The following CNTN5 variants were observed in gnomAD, a reference collection of about 807,000 sequenced individuals.
The protein encoded by CNTN5 is contactin 5, also known as contactin-5.
A neutral mutation model predicts 129.1 loss-of-function variants in CNTN5; 77 were observed. The observed-to-expected ratio is 0.60, with a 90% confidence interval of 0.50 to 0.72. The LOEUF is 0.72. Ranked by LOEUF, CNTN5 falls within the 30% of genes least tolerant of loss-of-function variation. The pLI is 0.00. For missense variants in CNTN5, 1,478 were observed against 1,328.8 expected (o/e 1.11, Z -1.75); for synonymous variants, 509 against 465.6 (o/e 1.09, Z -1.20).
intron 3 of CNTN5, among the ~76,000 whole-genome samples, chr11:99,641,281 A>G (rs948821498): frequency 6.6e-6 from 1 of 152,240 alleles, no homozygotes; most frequent in African/African-American, 2.4e-5. Flanking sequence ...ACTGAGTGGA[A>G]CAAAAGGGCC....
intron 24 of CNTN5, among the ~76,000 whole-genome samples, chr11:100,352,242 T>G (rs2139042198): frequency 6.6e-6 from 1 of 151,792 alleles, no homozygotes; most frequent in South Asian, 2.1e-4. Context: ...ATAATTTAGC[T>G]GCCACTTACA....
rs575185659 is a variant in CNTN5, at chr11:99,708,389, A to G, written c.56-111155A>G. On this transcript the variant is annotated intron_variant, in intron 3 of 24. Coordinates refer to ENST00000524871, the MANE Select transcript of CNTN5 (RefSeq NM_014361.4). Reference sequence around the variant, plus strand: ...TACATGCATTTGACGTTTGCATGACAAAGACAAATACATTCATACCACTTT... The same window carrying G: ...TACATGCATTTGACGTTTGCATGACGAAGACAAATACATTCATACCACTTT... Among the ~76,000 whole-genome samples, 30 of 151,916 alleles carry G rather than the reference A, an allele frequency of 2.0e-4. No individual in the cohort carries two copies. In the South Asian group the frequency reaches 6.0e-3, roughly 30 times the overall value.
chr11:99,581,822 T>C (rs1007339833), intron 3 of CNTN5, among the ~76,000 whole-genome samples: 1 of 152,240 alleles, frequency 6.6e-6, no homozygotes, highest in Non-Finnish European at 1.5e-5. Flanking sequence ...TTAGCCCATT[T>C]ACATTTAAGG....
intron 3 of CNTN5, among the ~76,000 whole-genome samples, chr11:99,685,289 A>C (rs1953740797): frequency 6.6e-6 from 1 of 151,830 alleles, no homozygotes; most frequent in African/African-American, 2.4e-5. Context: ...GAATATGGAA[A>C]ATTTTAGTAA....
intron 2 of CNTN5, among the ~76,000 whole-genome samples, chr11:99,507,391 A>G (rs978846609): frequency 2.2e-4 from 33 of 151,298 alleles, no homozygotes; most frequent in Non-Finnish European, 4.0e-4. Context: ...AAAAAAAAAA[A>G]AAAAGAAAGG....
At chr11:99,115,010 C>A (rs1409651079) in intron 1 of CNTN5, among the ~76,000 whole-genome samples, 1 of 152,182 alleles carries the variant, frequency 6.6e-6, no homozygotes, top group East Asian at 1.9e-4. Flanking sequence ...TCCCTTCCCC[C>A]TTCTTCCATG....
chr11:100,356,126 T>C lies in CNTN5; in HGVS notation c.3209T>C (p.Ile1070Thr), dbSNP rs1195839809. ...GCTTCTTTTTTCACAGGTGGAAAAA[T>C]CACAAGTGCACAGTCGACCCTTCAC... Reference protein sequence around the residue: ...IRVPSYSGGKITSAQSTLHSL... With the variant: ...IRVPSYSGGKTTSAQSTLHSL... The change falls in exon 25 of 25, where the codon ATC (isoleucine) becomes ACC (threonine). Residue 1070 changes from isoleucine (I) to threonine (T), a missense_variant. Coordinates refer to ENST00000524871, the MANE Select transcript of CNTN5 (RefSeq NM_014361.4). The C allele has an allele frequency of 1.2e-6, 2 of 1,608,200 alleles. No individual in the cohort carries two copies. Among genetic ancestry groups the C allele is most frequent in the South Asian group, 2.2e-5 (2 of 90,292 alleles).
At chr11:99,694,850 C>T (rs1421460244) in intron 3 of CNTN5, among the ~76,000 whole-genome samples, 2 of 152,120 alleles carry the variant, frequency 1.3e-5, no homozygotes, top group Non-Finnish European at 2.9e-5. Flanking sequence ...GATTTACTCA[C>T]ATGAACTGCG....
intron 3 of CNTN5, among the ~76,000 whole-genome samples, chr11:99,781,751 A>C (rs1945318541): frequency 6.6e-6 from 1 of 152,154 alleles, no homozygotes; most frequent in East Asian, 1.9e-4. Context: ...ATAGATGCAG[A>C]AAAGGCCTTT....
chr11:99,178,730 T>A (rs1857903632), intron 1 of CNTN5, among the ~76,000 whole-genome samples: 1 of 152,148 alleles, frequency 6.6e-6, no homozygotes, highest in African/African-American at 2.4e-5. Context: ...TACCTTTTTG[T>A]GACTAATTTC....
At position 100,034,307 on chromosome 11, in the gene CNTN5, A is replaced by G. The variant is rs193095189; in HGVS notation, c.981-26905A>G. On this transcript the variant is annotated intron_variant, in intron 9 of 24. Coordinates refer to ENST00000524871, the MANE Select transcript of CNTN5 (RefSeq NM_014361.4). ...GGTAGAAGTCCAATTAATACTCTCCATTGTTATTATCTAACTGTGTAAGCC... is the reference window on the plus strand; with the variant it reads ...GGTAGAAGTCCAATTAATACTCTCCGTTGTTATTATCTAACTGTGTAAGCC... Among the ~76,000 whole-genome samples the G allele has an allele frequency of 3.4e-4, 52 of 152,340 alleles. 1 individual carries two copies. The highest frequency in any genetic ancestry group is 1.1e-3 in the African/African-American group (47 of 41,582).
rs1317936302 is a variant in CNTN5 at position 99,042,352 on chromosome 11, CCTT to C, written c.-210+21095_-210+21097del. Among the ~76,000 whole-genome samples, 417 of 143,856 alleles carry C rather than the reference CCTT, an allele frequency of 2.9e-3. 8 individuals carry two copies. The highest frequency in any genetic ancestry group is 0.011 in the African/African-American group (390 of 35,924). 94.4% of individuals were successfully genotyped at this position (143,856 alleles called of 152,430 possible). On this transcript the variant is annotated intron_variant, in intron 1 of 24. Transcript: ENST00000524871. ...CCTGCACGTTCTGCACATGTACCTC[CCTT>C]CTTCTTCTTCTTTTTTTTTTTTTTT...
intron 23 of CNTN5, among the ~76,000 whole-genome samples, chr11:100,348,792 A>G (rs1267681644): frequency 6.6e-6 from 1 of 152,034 alleles, no homozygotes; most frequent in East Asian, 1.9e-4. Context: ...GATTTCCCCA[A>G]TCTTGACTAA....
chr11:99,355,226 A>T (rs1164517867), intron 2 of CNTN5, among the ~76,000 whole-genome samples: 1 of 152,166 alleles, frequency 6.6e-6, no homozygotes, highest in Non-Finnish European at 1.5e-5. Flanking sequence ...TGTTTACTGG[A>T]TGCCTTGCCT....
At chr11:99,498,253 A>G (rs1946302126) in intron 2 of CNTN5, among the ~76,000 whole-genome samples, 2 of 152,086 alleles carry the variant, frequency 1.3e-5, no homozygotes, top group Non-Finnish European at 2.9e-5. Flanking sequence ...AATGTACTGC[A>G]TTTTTTGTAG....
intron 3 of CNTN5, among the ~76,000 whole-genome samples, chr11:99,633,879 C>A (rs1309174278): frequency 6.6e-6 from 1 of 152,128 alleles, no homozygotes; most frequent in Non-Finnish European, 1.5e-5. Flanking sequence ...AGGAGCATGA[C>A]CCACATGGGA....
intron 3 of CNTN5, among the ~76,000 whole-genome samples, chr11:99,613,414 C>G (rs1007626255): frequency 1.3e-5 from 2 of 152,126 alleles, no homozygotes; most frequent in African/African-American, 4.8e-5. Flanking sequence ...TTTCTGAGGC[C>G]TCCCCAGCCG....
At chr11:99,121,159 G>T in intron 1 of CNTN5, among the ~76,000 whole-genome samples, 1 of 118,462 alleles carries the variant, frequency 8.4e-6, no homozygotes. Flanking sequence ...TTTTGAGATC[G>T]AGTCTCACTC....
intron 3 of CNTN5, among the ~76,000 whole-genome samples, chr11:99,609,415 A>C (rs1950529670): frequency 1.3e-5 from 2 of 152,186 alleles, no homozygotes; most frequent in Non-Finnish European, 1.5e-5. Context: ...ATACCTGTGC[A>C]GATCAGAAAG....
Sources: gnomAD v4.1 joint callset for allele counts (sites outside exome capture counted in the v4.1 genomes callset) on GRCh38, gnomAD v4.1.1 for gene constraint, MANE v1.5 for transcripts, NCBI Gene and HGNC (gene_info 2026-07-23, HGNC 2026-07-21) for gene names.